The following NINL variants were observed in gnomAD, a reference collection of about 807,000 sequenced individuals.
The protein encoded by NINL is ninein-like protein.
NINL carries 153 observed loss-of-function variants against 160.3 expected under a neutral mutation model. The observed-to-expected ratio is 0.95, with a 90% CI of 0.84 to 1.09. The LOEUF (loss-of-function observed/expected upper bound fraction) is 1.09, where lower values mean the gene tolerates loss of function less well. NINL is among the 50% of genes least tolerant of loss of function. NINL has a pLI of 0.00. For missense variants in NINL, 1,829 were observed against 1,764.0 expected (o/e 1.04, Z -0.66); for synonymous variants, 800 against 734.8 (o/e 1.09, Z -1.43).
At chr20:25,564,929 G>A (rs946426807) in intron 1 of NINL, among the ~76,000 whole-genome samples, 8 of 152,032 alleles carry the variant, frequency 5.3e-5, no homozygotes, top group East Asian at 1.9e-4. Flanking sequence ...CAGTTTTACC[G>A]AAGCAAAAGC....
At chr20:25,469,415 ACT>A (rs2063035093) in intron 18 of NINL, among the ~76,000 whole-genome samples, 2 of 112,898 alleles carry the variant, frequency 1.8e-5, no homozygotes, top group African/African-American at 7.3e-5. Flanking sequence ...CCCTGTCTTG[ACT>A]CTCATTGGTG....
intron 16 of NINL, among the ~76,000 whole-genome samples, chr20:25,478,075 A>C (rs1423248449): frequency 6.6e-6 from 1 of 151,534 alleles, no homozygotes; most frequent in East Asian, 1.9e-4. Context: ...CAGCTTCCCG[A>C]GTAGCTGGGA....
At position 25,479,129 on chromosome 20, in the gene NINL, G is replaced by C. The variant is rs754116743; in HGVS notation, c.1995C>G (p.Arg665=). 6.2e-7 allele frequency: 1 copy of C among 1,613,924 alleles called. No individual in the cohort carries two copies. The highest frequency in any genetic ancestry group is 2.2e-5 in the East Asian group (1 of 44,884). Residue 665 remains arginine, a synonymous_variant, in exon 16 of 24, where the codon CGC becomes CGG. Transcript: ENST00000278886. Reference sequence around the variant, plus strand: ...CCTCCAGCACGCTGACCTCGCGCCTGCGAGCCTGCTCCATGTCCTTCCTCT... The same window carrying C: ...CCTCCAGCACGCTGACCTCGCGCCTCCGAGCCTGCTCCATGTCCTTCCTCT... ...EKERKDMEQA[R]RREVSVLEGQ...
chr20:25,518,022 A>G (rs1275744922), intron 2 of NINL, among the ~76,000 whole-genome samples, 173 bp from the exon 3 acceptor site: 3 of 152,228 alleles, frequency 2.0e-5, no homozygotes, highest in Non-Finnish European at 4.4e-5. Context: ...GAAGAGCATG[A>G]TAAGGAAAGT....
chr20:25,457,266 G>C (rs1249463656), intron 22 of NINL, among the ~76,000 whole-genome samples: 3 of 152,230 alleles, frequency 2.0e-5, no homozygotes, highest in Non-Finnish European at 2.9e-5. Flanking sequence ...GAAGGTTGCA[G>C]TAAGCCAAGA....
At chr20:25,469,936 TCTA>T in intron 18 of NINL, 52 bp downstream of exon 18, 1 of 1,250,568 alleles carries the variant, frequency 8.0e-7, no homozygotes, top group East Asian at 2.3e-5. Context: ...ATAAGGTCAC[TCTA>T]CGGAGGGCAA....
chr20:25,519,740 G>A (rs1282222503), intron 2 of NINL, among the ~76,000 whole-genome samples: 3 of 152,042 alleles, frequency 2.0e-5, no homozygotes, highest in Non-Finnish European at 4.4e-5. Context: ...AGAATGGCCG[G>A]GTGCGGTGGC....
intron 10 of NINL, among the ~76,000 whole-genome samples, chr20:25,496,312 C>T (rs1310442369): frequency 6.6e-6 from 1 of 152,208 alleles, no homozygotes; most frequent in Non-Finnish European, 1.5e-5. Flanking sequence ...GAAACCATTG[C>T]CAGTCCTTGC....
chr20:25,458,688 T>C, intron 21 of NINL, 159 bp from the exon 22 acceptor site: 2 of 774,054 alleles, frequency 2.6e-6, no homozygotes, highest in South Asian at 1.9e-5. Context: ...CCCATTTCTT[T>C]GGAATTCGGA....
At chr20:25,457,353 G>A (rs140494163) in intron 22 of NINL, among the ~76,000 whole-genome samples, 1 of 152,250 alleles carries the variant, frequency 6.6e-6, no homozygotes, top group Non-Finnish European at 1.5e-5. Flanking sequence ...ACAAAAATAT[G>A]TTCTGGCCCA....
chr20:25,549,516 T>C (rs2064781714), intron 1 of NINL, among the ~76,000 whole-genome samples: 1 of 152,258 alleles, frequency 6.6e-6, no homozygotes, highest in African/African-American at 2.4e-5. Flanking sequence ...TGGCTCTTAA[T>C]GGACCCTCCA....
intron 19 of NINL, among the ~76,000 whole-genome samples, chr20:25,464,210 A>G (rs866721941): frequency 6.6e-6 from 1 of 152,332 alleles, no homozygotes. Context: ...TGAGGTCAGG[A>G]GTTTGAGACC....
At chr20:25,493,208 C>T (rs1568907768) in intron 10 of NINL, among the ~76,000 whole-genome samples, 1 of 152,206 alleles carries the variant, frequency 6.6e-6, no homozygotes, top group Non-Finnish European at 1.5e-5. Context: ...AGTCAACTTA[C>T]TTCCAGCTTT....
chr20:25,480,186 T>G lies in NINL; in HGVS notation c.1892A>C (p.Asp631Ala). The G allele has an allele frequency of 1.9e-6, 3 of 1,613,826 alleles. No individual in the cohort carries two copies. Among genetic ancestry groups the G allele is most frequent in the Non-Finnish European group, 2.5e-6 (3 of 1,179,882 alleles). Reference sequence around the variant, plus strand: ...CTTGGTCTCCAGCTGGGTCCTGAGGTCTTGGTAATGCTCCTTTACCTGCTC... The same window carrying G: ...CTTGGTCTCCAGCTGGGTCCTGAGGGCTTGGTAATGCTCCTTTACCTGCTC... The part of the protein sequence containing the change: ...MMEQVKEHYQ[D>A]LRTQLETKVN... The change falls in exon 15 of 24, where the codon GAC becomes GCC. Residue 631 changes from aspartate to alanine, a missense_variant. By Grantham distance (126) the Asp-to-Ala change is moderately radical. Coordinates refer to ENST00000278886, the MANE Select transcript of NINL (RefSeq NM_025176.6).
intron 2 of NINL, among the ~76,000 whole-genome samples, chr20:25,520,915 A>T (rs1278964714): frequency 1.3e-5 from 2 of 152,230 alleles, no homozygotes; most frequent in Non-Finnish European, 2.9e-5. Context: ...TTTTTAAGAT[A>T]TTCTCTCTGG....
intron 7 of NINL, among the ~76,000 whole-genome samples, chr20:25,501,617 G>A (rs1245935322): frequency 6.6e-6 from 1 of 152,178 alleles, no homozygotes; most frequent in East Asian, 1.9e-4. Flanking sequence ...GGGACCTCAT[G>A]TTGATCATTC....
chr20:25,471,509 C>A (rs1200181483), intron 17 of NINL, among the ~76,000 whole-genome samples: 1 of 152,168 alleles, frequency 6.6e-6, no homozygotes. Context: ...ACCCCATCCC[C>A]CACATGACCA....
At chr20:25,547,614 C>T (rs530126029) in intron 1 of NINL, among the ~76,000 whole-genome samples, 1 of 152,284 alleles carries the variant, frequency 6.6e-6, no homozygotes, top group African/African-American at 2.4e-5. Context: ...TGGAGAATTA[C>T]GTGGTGTGGA....
rs368408445 is a variant in NINL, at chr20:25,491,403, C to G, written c.1433G>C (p.Arg478Pro). Residue 478 changes from arginine to proline, a missense_variant, in exon 11 of 24, where the codon CGC (arginine) becomes CCC (proline). Transcript: ENST00000278886. ...QRAALEWDVG[R>P]LQAEEAGLRE... ...GAGGCCAGCCTCCTCAGCCTGCAGG[C>G]GCCCCACGTCCCACTCCAGCGCGGC... The G allele has an allele frequency of 6.2e-7, 1 of 1,612,626 alleles. No homozygotes were observed. The highest frequency in any genetic ancestry group is 1.1e-5 in the South Asian group (1 of 91,066).
Sources: gnomAD v4.1 joint callset for allele counts (sites outside exome capture counted in the v4.1 genomes callset) on GRCh38, gnomAD v4.1.1 for gene constraint, MANE v1.5 for transcripts, NCBI Gene and HGNC (gene_info 2026-07-23, HGNC 2026-07-21) for gene names.